The following SH3KBP1 variants were observed in gnomAD, a reference collection of about 807,000 sequenced individuals.
The protein encoded by SH3KBP1 is SH3 domain containing kinase binding protein 1, also known as SH3 domain-containing kinase-binding protein 1.
SH3KBP1 carries 8 observed loss-of-function variants against 50.1 expected under a neutral mutation model. The observed-to-expected ratio is 0.16, with a 90% confidence interval of 0.09 to 0.29. The LOEUF (loss-of-function observed/expected upper bound fraction) is 0.29. SH3KBP1 is among the 10% of genes least tolerant of loss of function. The pLI is 1.00. For synonymous variants in SH3KBP1, 227 were observed against 218.6 expected (o/e 1.04, Z -0.34); for missense variants, 377 against 535.2 (o/e 0.70, Z 2.92).
At chrX:19,766,460 C>T (rs2065609389) in intron 2 of SH3KBP1, among the ~76,000 whole-genome samples, 1 of 81,900 alleles carries the variant, frequency 1.2e-5, no homozygotes, top group Non-Finnish European at 2.3e-5. Context: ...GTTCAGATTG[C>T]ACTTTGAGTC....
chrX:19,761,240 T>G (rs1205589621), intron 2 of SH3KBP1, among the ~76,000 whole-genome samples: 60 of 20,941 alleles, frequency 2.9e-3, no homozygotes, highest in African/African-American at 4.0e-3. Flanking sequence ...AGGGAGATGG[T>G]GGTGAGAGAG....
At chrX:19,732,016 C>T (rs1359068895) in intron 3 of SH3KBP1, among the ~76,000 whole-genome samples, 1 of 111,450 alleles carries the variant, frequency 9.0e-6, no homozygotes, top group Non-Finnish European at 1.9e-5. Flanking sequence ...GTTGAAAAAC[C>T]AAACAAAAAC....
chrX:19,606,554 T>C (rs1157238753), intron 9 of SH3KBP1, among the ~76,000 whole-genome samples: 1 of 112,349 alleles, frequency 8.9e-6, no homozygotes, highest in Non-Finnish European at 1.9e-5. Flanking sequence ...GATGAGCTCT[T>C]CTCTGTTGTG....
At chrX:19,746,196 C>A in intron 3 of SH3KBP1, 122 bp downstream of exon 3, 1 of 862,614 alleles carries the variant, frequency 1.2e-6, no homozygotes, top group Non-Finnish European at 1.6e-6. Flanking sequence ...AAAATATATA[C>A]CAAAAACCAA....
intron 13 of SH3KBP1, among the ~76,000 whole-genome samples, chrX:19,567,194 A>T (rs2065865799): frequency 9.3e-6 from 1 of 107,076 alleles, no homozygotes; most frequent in African/African-American, 3.6e-5. Context: ...CTATGTCTTG[A>T]CTGGTGGTAG....
At chrX:19,710,754 T>C (rs2063758560) in intron 3 of SH3KBP1, among the ~76,000 whole-genome samples, 1 of 110,890 alleles carries the variant, frequency 9.0e-6, no homozygotes, top group African/African-American at 3.3e-5. Flanking sequence ...TCTTGAAATG[T>C]AGCACCCACG....
chrX:19,763,832 G>T (rs969934419), intron 2 of SH3KBP1, among the ~76,000 whole-genome samples: 1 of 108,418 alleles, frequency 9.2e-6, no homozygotes, highest in African/African-American at 3.4e-5. Context: ...GACCAGCCTG[G>T]GTAACATGGT....
At chrX:19,839,427 C>T (rs968572723) in intron 1 of SH3KBP1, among the ~76,000 whole-genome samples, 3 of 108,186 alleles carry the variant, frequency 2.8e-5, no homozygotes, top group African/African-American at 1.0e-4. Context: ...ACCTCTGTCT[C>T]CCAGGCTCAA....
rs746036004 is a variant in SH3KBP1 at position 19,774,488 on chromosome X, G to A, written c.163-28047C>T. Among the ~76,000 whole-genome samples the A allele has an allele frequency of 1.7e-4, 18 of 108,989 alleles. No individual in the cohort carries two copies. The South Asian group carries it at 6.8e-3, about 41-fold the overall frequency. 94.6% of individuals were successfully genotyped at this position (108,989 alleles called of 115,157 possible). On this transcript the variant is annotated intron_variant, in intron 2 of 17. Transcript: ENST00000397821. ...AGATCGAGACCATCCTGGCTAACAC[G>A]GTGAAACCCCGTCTCTACTAAAAAT...
intron 1 of SH3KBP1, among the ~76,000 whole-genome samples, chrX:19,850,790 A>C (rs1388591847): frequency 1.8e-5 from 2 of 110,278 alleles, no homozygotes; most frequent in Non-Finnish European, 3.8e-5. Context: ...GCAAACTTCC[A>C]CAGGCATCTC....
At chrX:19,829,697 G>A (rs2067805539) in intron 2 of SH3KBP1, among the ~76,000 whole-genome samples, 1 of 96,853 alleles carries the variant, frequency 1.0e-5, no homozygotes, top group African/African-American at 3.9e-5. Flanking sequence ...AGTGAGCCGA[G>A]ATCTCCCCAC....
intron 7 of SH3KBP1, among the ~76,000 whole-genome samples, chrX:19,641,208 C>T (rs773248271): frequency 7.0e-4 from 79 of 112,210 alleles, no homozygotes; most frequent in Non-Finnish European, 1.1e-3. Context: ...GAGGGTCTGG[C>T]AAGCCCCAAG....
chrX:19,785,519 C>A (rs1294718246), intron 2 of SH3KBP1, among the ~76,000 whole-genome samples: 1 of 111,136 alleles, frequency 9.0e-6, no homozygotes, highest in Non-Finnish European at 1.9e-5. Flanking sequence ...CAGAGTGAGA[C>A]CCTGTCTCAA....
At chrX:19,856,486 T>A (rs773946689) in intron 1 of SH3KBP1, among the ~76,000 whole-genome samples, 38 of 111,705 alleles carry the variant, frequency 3.4e-4, no homozygotes, top group African/African-American at 1.2e-3. Context: ...TTAAGGCCGA[T>A]AACATCCCCA....
intron 8 of SH3KBP1, among the ~76,000 whole-genome samples, chrX:19,618,385 C>CAAAAAA (rs1169013925): frequency 6.0e-4 from 11 of 18,204 alleles, no homozygotes; most frequent in South Asian, 3.4e-3. Context: ...GACTCTGTCT[C>CAAAAAA]AAAAAAAAAA....
intron 6 of SH3KBP1, chrX:19,664,621 T>C (rs2062550608): frequency 8.9e-6 from 1 of 111,924 alleles, no homozygotes; most frequent in Non-Finnish European, 1.9e-5. Flanking sequence ...AATACCAAAA[T>C]GTCACAGATC....
chrX:19,605,016 G>A (rs767108251), intron 9 of SH3KBP1, among the ~76,000 whole-genome samples: 1 of 111,261 alleles, frequency 9.0e-6, no homozygotes, highest in South Asian at 3.8e-4. Flanking sequence ...CCCAGAGAGC[G>A]TGCATGTCCC....
intron 2 of SH3KBP1, among the ~76,000 whole-genome samples, chrX:19,788,981 G>A (rs1167168570): frequency 1.8e-5 from 2 of 111,275 alleles, no homozygotes; most frequent in Non-Finnish European, 3.8e-5. Flanking sequence ...AAAATTAGCC[G>A]GGCATGGTGG....
Position 19,698,828 on chromosome X carries a change from TTTCA to T in SH3KBP1, c.391-3091_391-3088del, listed in dbSNP as rs761980086. On this transcript the variant is annotated intron_variant, in intron 4 of 17. Coordinates refer to ENST00000397821, the MANE Select transcript of SH3KBP1 (RefSeq NM_031892.3). ...CGAGGACACGGACACTGCCATGTGA[TTTCA>T]TTCATTCATTCATTCACTCATTCTA... 2.7e-4 allele frequency among the ~76,000 whole-genome samples: 30 copies of T among 112,088 alleles called. No homozygotes were observed. In the South Asian group the frequency reaches 0.01, roughly 39 times the overall value.
Sources: gnomAD v4.1 joint callset for allele counts (sites outside exome capture counted in the v4.1 genomes callset) on GRCh38, gnomAD v4.1.1 for gene constraint, MANE v1.5 for transcripts, NCBI Gene and HGNC (gene_info 2026-07-23, HGNC 2026-07-21) for gene names.